Variants in SKAP2 observed in about 807,000 individuals in gnomAD.
SKAP2 encodes src kinase-associated phosphoprotein 2.
Under a neutral mutation model 54.9 loss-of-function variants are expected in SKAP2, and 28 were observed. The ratio of observed to expected loss-of-function variants is 0.51; its 90% CI spans 0.38 to 0.70. SKAP2 has a LOEUF of 0.70. SKAP2 is among the 30% of genes least tolerant of loss of function. The pLI is 0.00. For synonymous variants in SKAP2, 137 were observed against 134.3 expected (o/e 1.02, Z -0.14); for missense variants, 356 against 424.1 (o/e 0.84, Z 1.41).
At chr7:26,698,361 T>C (rs904182835) in intron 9 of SKAP2, among the ~76,000 whole-genome samples, 2 of 152,206 alleles carry the variant, frequency 1.3e-5, no homozygotes, top group African/African-American at 4.8e-5. Flanking sequence ...AAAGCTATTT[T>C]CATAATAATA....
At chr7:26,772,788 G>A (rs950153858) in intron 4 of SKAP2, among the ~76,000 whole-genome samples, 5 of 152,138 alleles carry the variant, frequency 3.3e-5, no homozygotes, top group Non-Finnish European at 7.3e-5. Flanking sequence ...TATTTTTATG[G>A]CCTGTAACTT....
At chr7:26,758,116 C>T (rs1378186854) in intron 4 of SKAP2, among the ~76,000 whole-genome samples, 1 of 152,136 alleles carries the variant, frequency 6.6e-6, no homozygotes, top group East Asian at 1.9e-4. Context: ...TTTTCTAGCA[C>T]ATATATGTAT....
chr7:26,765,317 T>C (rs10951148), intron 4 of SKAP2, among the ~76,000 whole-genome samples: 44,956 of 150,526 alleles, frequency 0.3, 6,926 homozygotes, highest in Non-Finnish European at 0.33. Context: ...ACCCACTTTT[T>C]GATGTTTTTT....
intron 4 of SKAP2, among the ~76,000 whole-genome samples, chr7:26,843,469 A>G (rs942435683): frequency 1.3e-5 from 2 of 152,100 alleles, no homozygotes; most frequent in African/African-American, 4.8e-5. Context: ...TAAATTTATT[A>G]CTAATTCAGT....
intron 4 of SKAP2, among the ~76,000 whole-genome samples, chr7:26,758,805 T>G (rs1256834630): frequency 6.6e-6 from 1 of 152,204 alleles, no homozygotes; most frequent in East Asian, 1.9e-4. Context: ...AAATAGCCAT[T>G]AACTTTTAAT....
chr7:26,850,218 C>G (rs1432874034), intron 3 of SKAP2, among the ~76,000 whole-genome samples: 1 of 152,036 alleles, frequency 6.6e-6, no homozygotes, highest in African/African-American at 2.4e-5. Context: ...GTGCATGAAG[C>G]CTAAATTCGG....
At chr7:26,716,638 CTT>C (rs2127952303) in intron 9 of SKAP2, among the ~76,000 whole-genome samples, 1 of 152,154 alleles carries the variant, frequency 6.6e-6, no homozygotes, top group African/African-American at 2.4e-5. Flanking sequence ...TCTTTGATTT[CTT>C]GTTTGTTGCC....
intron 4 of SKAP2, among the ~76,000 whole-genome samples, chr7:26,756,149 T>C (rs1252798674): frequency 1.3e-5 from 2 of 152,224 alleles, no homozygotes; most frequent in East Asian, 1.9e-4. Context: ...GGTATACTAA[T>C]ATATAGTGAT....
chr7:26,832,193 G>A (rs1784609353), intron 4 of SKAP2, among the ~76,000 whole-genome samples: 1 of 152,088 alleles, frequency 6.6e-6, no homozygotes, highest in South Asian at 2.1e-4. Flanking sequence ...AAGTTGGTAA[G>A]GTTTCCAACT....
chr7:26,814,109 TA>T (rs1027423337), intron 4 of SKAP2, among the ~76,000 whole-genome samples: 46 of 151,268 alleles, frequency 3.0e-4, no homozygotes, highest in African/African-American at 1.0e-3. Flanking sequence ...ATTTACTAAT[TA>T]AAAATATTTA....
intron 4 of SKAP2, among the ~76,000 whole-genome samples, chr7:26,831,870 A>G (rs1027625063): frequency 6.6e-6 from 1 of 152,052 alleles, no homozygotes; most frequent in South Asian, 2.1e-4. Flanking sequence ...AACTTTTCAC[A>G]TGCCACCCTT....
chr7:26,747,988 T>G (rs1212713514), intron 4 of SKAP2, among the ~76,000 whole-genome samples: 1 of 152,154 alleles, frequency 6.6e-6, no homozygotes, highest in Non-Finnish European at 1.5e-5. Context: ...GCTCAAAAAG[T>G]CACAGATGAA....
At chr7:26,657,076 T>C in the SKAP2 span, among the ~76,000 whole-genome samples, 1 of 152,136 alleles carries the variant, frequency 6.6e-6, no homozygotes. Context: ...TGAATAATAA[T>C]AATAATCATA....
At chr7:26,717,924 T>C (rs751954840) in intron 9 of SKAP2, among the ~76,000 whole-genome samples, 1 of 151,986 alleles carries the variant, frequency 6.6e-6, no homozygotes, top group Non-Finnish European at 1.5e-5. Flanking sequence ...AAAGCTACTT[T>C]TGACACTATC....
intron 4 of SKAP2, among the ~76,000 whole-genome samples, chr7:26,786,838 G>T (rs145386640): frequency 6.6e-6 from 1 of 151,706 alleles, no homozygotes; most frequent in East Asian, 1.9e-4. Context: ...AAATTGCCCA[G>T]TTTTTTTTAA....
chr7:26,841,939 C>A (rs985919582), intron 4 of SKAP2, among the ~76,000 whole-genome samples: 2 of 151,748 alleles, frequency 1.3e-5, no homozygotes, highest in African/African-American at 4.8e-5. Context: ...AATGCATTAT[C>A]TTTTTTATAA....
chr7:26,803,501 C>G (rs1157488635), intron 4 of SKAP2, among the ~76,000 whole-genome samples: 1 of 152,058 alleles, frequency 6.6e-6, no homozygotes, highest in Non-Finnish European at 1.5e-5. Context: ...GACAGACAGC[C>G]CTTGTATGCT....
chr7:26,863,732 T>C (rs1785313525), intron 1 of SKAP2, among the ~76,000 whole-genome samples: 1 of 152,156 alleles, frequency 6.6e-6, no homozygotes, highest in African/African-American at 2.4e-5. Context: ...CTTTAACATA[T>C]CCTTCCTTTT....
chr7:26,686,552 G>A (rs1786645163), intron 10 of SKAP2, among the ~76,000 whole-genome samples: 1 of 152,118 alleles, frequency 6.6e-6, no homozygotes, highest in Non-Finnish European at 1.5e-5. Context: ...GGACACTAGA[G>A]GGCACTGCAG....
Sources: allele counts gnomAD v4.1 joint callset (sites outside exome capture counted in the v4.1 genomes callset), GRCh38; gene constraint gnomAD v4.1.1; transcripts MANE v1.5; gene names NCBI Gene and HGNC (gene_info 2026-07-23, HGNC 2026-07-21).